Variants in SPTLC3 observed in about 807,000 individuals in gnomAD.
The protein encoded by SPTLC3 is serine palmitoyltransferase 3.
A neutral mutation model predicts 59.3 loss-of-function variants in SPTLC3; 36 were observed. That is an observed-to-expected ratio of 0.61 (90% CI 0.47 to 0.80). The LOEUF is 0.80. SPTLC3 is among the 30% of genes least tolerant of loss of function. The probability of loss-of-function intolerance (pLI) is 0.00; values close to 1 mark genes in which losing one functional copy is unlikely to be tolerated. For synonymous variants in SPTLC3, 257 were observed against 240.8 expected (o/e 1.07, Z -0.62); for missense variants, 625 against 685.1 (o/e 0.91, Z 0.98).
intron 8 of SPTLC3, among the ~76,000 whole-genome samples, chr20:13,124,799 T>A (rs1243394252): frequency 6.6e-6 from 1 of 152,130 alleles, no homozygotes; most frequent in Non-Finnish European, 1.5e-5. Flanking sequence ...GGAAAAGTGA[T>A]GGGCAGGGAC....
chr20:13,164,281 GA>G (rs2038953548), intron 11 of SPTLC3: 3 of 460,154 alleles, frequency 6.5e-6, no homozygotes, highest in South Asian at 4.8e-5. Context: ...TTAAAAGCAG[GA>G]GGCCTGGGGT....
intron 8 of SPTLC3, among the ~76,000 whole-genome samples, chr20:13,124,052 A>G (rs1226689509): frequency 6.6e-6 from 1 of 152,190 alleles, no homozygotes; most frequent in Admixed American, 6.5e-5. Flanking sequence ...CTTTCCGGAT[A>G]CCCTGTGGCT....
intron 2 of SPTLC3, among the ~76,000 whole-genome samples, chr20:13,066,285 T>C (rs1434030227): frequency 1.3e-5 from 2 of 149,408 alleles, no homozygotes; most frequent in Non-Finnish European, 3.0e-5. Context: ...TGCATATGTA[T>C]ATCCAATTTT....
In SPTLC3 at chr20:13,046,439, T is replaced by C. The variant is rs189434028; in HGVS notation, c.118-2506T>C. 1.7e-3 allele frequency among the ~76,000 whole-genome samples: 253 copies of C among 152,362 alleles called. 1 individual carries two copies. The highest frequency in any genetic ancestry group is 5.8e-3 in the African/African-American group (240 of 41,590). On this transcript the variant is annotated intron_variant, in intron 1 of 11. Transcript: ENST00000399002. ...ACAATACTATACTGCTCCTTGCAGA[T>C]AGTTTTCTTTTTCCTCTTCCTTGAC... is the stretch of plus-strand genomic sequence containing the variant.
chr20:13,088,174 T>C (rs1217623571), intron 4 of SPTLC3, among the ~76,000 whole-genome samples: 1 of 152,222 alleles, frequency 6.6e-6, no homozygotes, highest in Non-Finnish European at 1.5e-5. Flanking sequence ...TATGCCCATG[T>C]TTTATTCCCA....
chr20:13,056,414 G>T (rs1189651996), intron 2 of SPTLC3, among the ~76,000 whole-genome samples: 5 of 150,836 alleles, frequency 3.3e-5, no homozygotes, highest in African/African-American at 1.2e-4. Flanking sequence ...GATGGGACTT[G>T]ATCTCCCAAC....
At chr20:13,022,230 G>T (rs1244095112) in intron 1 of SPTLC3, among the ~76,000 whole-genome samples, 2 of 152,040 alleles carry the variant, frequency 1.3e-5, no homozygotes, top group African/African-American at 4.8e-5. Flanking sequence ...AGTAAAACAT[G>T]AGCTGACCTT....
chr20:13,115,191 G>A (rs1488484425), intron 7 of SPTLC3, among the ~76,000 whole-genome samples: 2 of 152,096 alleles, frequency 1.3e-5, no homozygotes, highest in African/African-American at 2.4e-5. Context: ...TTATGCATGC[G>A]CTAGACTCAA....
At chr20:13,023,555 T>A (rs1986000693) in intron 1 of SPTLC3, among the ~76,000 whole-genome samples, 1 of 152,248 alleles carries the variant, frequency 6.6e-6, no homozygotes, top group South Asian at 2.1e-4. Flanking sequence ...TCTAAAAGAC[T>A]AAGAAAGCTC....
intron 11 of SPTLC3, among the ~76,000 whole-genome samples, chr20:13,162,348 G>A (rs1165677920): frequency 6.6e-6 from 1 of 152,142 alleles, no homozygotes; most frequent in Non-Finnish European, 1.5e-5. Context: ...TCATGTATGT[G>A]ATTCTCTTCA....
intron 1 of SPTLC3, among the ~76,000 whole-genome samples, chr20:13,025,847 C>T (rs1479385433): frequency 1.3e-5 from 2 of 152,002 alleles, no homozygotes; most frequent in African/African-American, 2.4e-5. Flanking sequence ...AGTCAAGCAC[C>T]CATTAGTTAT....
At chr20:13,078,602 T>A (rs193167661) in intron 4 of SPTLC3, among the ~76,000 whole-genome samples, 23 of 152,308 alleles carry the variant, frequency 1.5e-4, no homozygotes, top group African/African-American at 5.5e-4. Flanking sequence ...TACTAAACAA[T>A]ATAATTAATT....
chr20:13,149,273 G>A (rs1014625295), intron 9 of SPTLC3, among the ~76,000 whole-genome samples: 3 of 152,208 alleles, frequency 2.0e-5, no homozygotes, highest in Non-Finnish European at 2.9e-5. Context: ...GGATGTGGCC[G>A]CAGTGCCCAA....
chr20:13,131,132 G>GA (rs34297629), intron 9 of SPTLC3, among the ~76,000 whole-genome samples: 86,768 of 151,942 alleles, frequency 0.57, 25,038 homozygotes, highest in African/African-American at 0.65. Context: ...CGACTCCCCT[G>GA]AGAAAGCATT....
chr20:13,019,704 T>G (rs6078884), intron 1 of SPTLC3, among the ~76,000 whole-genome samples: 85,802 of 151,890 alleles, frequency 0.56, 26,887 homozygotes, highest in South Asian at 0.71. Flanking sequence ...GATTTCATAG[T>G]CAGTGGTGCA....
chr20:13,136,683 A>G (rs903441375), intron 9 of SPTLC3, among the ~76,000 whole-genome samples: 4 of 147,660 alleles, frequency 2.7e-5, no homozygotes, highest in Non-Finnish European at 6.0e-5. Flanking sequence ...ATACTTATAT[A>G]GTATATAAAT....
intron 1 of SPTLC3, among the ~76,000 whole-genome samples, chr20:13,029,815 T>C (rs919253827): frequency 7.2e-5 from 11 of 152,242 alleles, no homozygotes; most frequent in East Asian, 3.9e-4. Flanking sequence ...TTATATGGGG[T>C]AATAGGCTAT....
Position 13,090,957 on chromosome 20 carries a change from C to T in SPTLC3, c.608-126C>T, listed in dbSNP as rs950333727. On this transcript the variant is annotated intron_variant, in intron 4 of 11. Transcript: ENST00000399002. ...GGCTGTTTCTAGATTAGGGCAATGGCAAATCTTCCTGCTACAAGCACTCTT... is the reference window on the plus strand; with the variant it reads ...GGCTGTTTCTAGATTAGGGCAATGGTAAATCTTCCTGCTACAAGCACTCTT... 7.5e-6 allele frequency: 10 copies of T among 1,328,914 alleles called. No individual in the cohort carries two copies. The Admixed American group carries it at 1.9e-4, about 25-fold the overall frequency. The allele number at this position is 1,328,914 out of a possible 1,614,324, so 82.3% of individuals were successfully genotyped here. A position where few individuals can be genotyped will look rare whatever the true frequency, so the allele number is the denominator to read the frequency against.
chr20:13,135,402 G>T (rs1283380818), intron 9 of SPTLC3, among the ~76,000 whole-genome samples: 3 of 152,270 alleles, frequency 2.0e-5, no homozygotes, highest in South Asian at 4.1e-4. Flanking sequence ...TTCCTCCCAT[G>T]ATCGTTACAA....
Sources: allele counts gnomAD v4.1 joint callset (sites outside exome capture counted in the v4.1 genomes callset), GRCh38; gene constraint gnomAD v4.1.1; transcripts MANE v1.5; gene names NCBI Gene and HGNC (gene_info 2026-07-23, HGNC 2026-07-21).